Variants in XKR4 observed in about 807,000 individuals in gnomAD.
The protein encoded by XKR4 is XK related 4.
Under a neutral mutation model 53.9 loss-of-function variants are expected in XKR4, and 12 were observed. The ratio of observed to expected loss-of-function variants is 0.22; its 90% CI spans 0.14 to 0.36. The LOEUF (loss-of-function observed/expected upper bound fraction) is 0.36. XKR4 is among the 10% of genes least tolerant of loss of function. The pLI, the probability that XKR4 is intolerant of heterozygous loss-of-function variation, is 1.00. For synonymous variants in XKR4, 354 were observed against 362.4 expected (o/e 0.98, Z 0.26); for missense variants, 799 against 859.5 (o/e 0.93, Z 0.88).
chr8:55,461,168 C>T (rs1216650894), intron 2 of XKR4, among the ~76,000 whole-genome samples: 1 of 152,232 alleles, frequency 6.6e-6, no homozygotes, highest in Non-Finnish European at 1.5e-5. Flanking sequence ...GAACGGGCAG[C>T]CTGCCTCCTC....
chr8:55,498,787 A>G (rs987232729), intron 2 of XKR4, among the ~76,000 whole-genome samples: 2 of 152,020 alleles, frequency 1.3e-5, no homozygotes, highest in African/African-American at 2.4e-5. Flanking sequence ...AGAGACAGAG[A>G]GAGACAGAGA....
chr8:55,493,581 G>A (rs988637785), intron 2 of XKR4, among the ~76,000 whole-genome samples: 1 of 152,216 alleles, frequency 6.6e-6, no homozygotes, highest in Non-Finnish European at 1.5e-5. Context: ...GAGCAAGTAT[G>A]GGTCTGTAGC....
chr8:55,305,560 A>C (rs543960118), intron 1 of XKR4, among the ~76,000 whole-genome samples: 1 of 152,334 alleles, frequency 6.6e-6, no homozygotes, highest in South Asian at 2.1e-4. Context: ...GTCACTTAGC[A>C]TGTCTGATTT....
At chr8:55,521,884 A>G (rs535761414) in intron 2 of XKR4, among the ~76,000 whole-genome samples, 100 of 152,364 alleles carry the variant, frequency 6.6e-4, no homozygotes, top group Admixed American at 1.2e-3. Flanking sequence ...GGCAATCAAC[A>G]TATCTTCTAT....
intron 1 of XKR4, among the ~76,000 whole-genome samples, chr8:55,323,902 T>A (rs1351713910): frequency 6.6e-6 from 1 of 152,104 alleles, no homozygotes; most frequent in African/African-American, 2.4e-5. Flanking sequence ...TTTTTTAAAT[T>A]TGAGATATTG....
intron 2 of XKR4, among the ~76,000 whole-genome samples, chr8:55,361,586 C>T (rs1029349643): frequency 2.0e-5 from 3 of 152,048 alleles, no homozygotes; most frequent in African/African-American, 7.2e-5. Context: ...TTCATCCTCA[C>T]CCGTGCCCTC....
At chr8:55,461,174 T>G (rs1805650645) in intron 2 of XKR4, among the ~76,000 whole-genome samples, 1 of 152,222 alleles carries the variant, frequency 6.6e-6, no homozygotes, top group East Asian at 1.9e-4. Context: ...GCAGCCTGCC[T>G]CCTCAAGTGG....
rs116231614 is a variant in XKR4 at position 55,403,631 on chromosome 8, C to T, written c.1006+45754C>T. The stretch of plus-strand genomic sequence containing the variant: ...AATCACTCAAGTCTGTATTGAGCAT[C>T]CACTGTAAGCAAGGCTGGGGAAAGC... On this transcript the variant is annotated intron_variant, in intron 2 of 2. Transcript: ENST00000327381. 4.4e-3 allele frequency among the ~76,000 whole-genome samples: 673 copies of T among 152,342 alleles called. 4 individuals carry two copies. The highest frequency in any genetic ancestry group is 0.016 in the African/African-American group (645 of 41,568).
intron 1 of XKR4, among the ~76,000 whole-genome samples, chr8:55,208,422 T>G (rs1817679353): frequency 6.6e-6 from 1 of 152,170 alleles, no homozygotes; most frequent in Non-Finnish European, 1.5e-5. Flanking sequence ...TTATTTTAGA[T>G]CCAGTGATTA....
intron 2 of XKR4, among the ~76,000 whole-genome samples, chr8:55,478,994 A>G (rs1806053903): frequency 6.6e-6 from 1 of 151,928 alleles, no homozygotes; most frequent in Admixed American, 6.6e-5. Context: ...AGATCAACTA[A>G]ACAGAAAGTT....
intron 1 of XKR4, among the ~76,000 whole-genome samples, chr8:55,152,187 G>T (rs1298115507): frequency 6.6e-6 from 1 of 152,102 alleles, no homozygotes; most frequent in Non-Finnish European, 1.5e-5. Context: ...AGCAAAATAA[G>T]GTGCTTCTAA....
At chr8:55,169,074 C>G (rs1817113051) in intron 1 of XKR4, among the ~76,000 whole-genome samples, 1 of 152,180 alleles carries the variant, frequency 6.6e-6, no homozygotes, top group South Asian at 2.1e-4. Flanking sequence ...AGACATGTTG[C>G]ATACTAAATT....
At chr8:55,339,662 G>A (rs779306965) in intron 1 of XKR4, among the ~76,000 whole-genome samples, 6 of 152,184 alleles carry the variant, frequency 3.9e-5, no homozygotes, top group Non-Finnish European at 8.8e-5. Flanking sequence ...ACAGGAGGAC[G>A]TAGGCAGTCC....
intron 1 of XKR4, among the ~76,000 whole-genome samples, chr8:55,116,140 C>A (rs1816303009): frequency 6.6e-6 from 1 of 152,090 alleles, no homozygotes; most frequent in Non-Finnish European, 1.5e-5. Flanking sequence ...TGAGGGTGGA[C>A]AAAGTTTGTG....
chr8:55,519,227 CT>C (rs751050598), intron 2 of XKR4, among the ~76,000 whole-genome samples: 1 of 152,162 alleles, frequency 6.6e-6, no homozygotes, highest in African/African-American at 2.4e-5. Context: ...TATATAATCC[CT>C]TTTAGTCCCC....
chr8:55,127,876 C>T (rs963926874), intron 1 of XKR4, among the ~76,000 whole-genome samples: 1 of 151,974 alleles, frequency 6.6e-6, no homozygotes, highest in African/African-American at 2.4e-5. Context: ...TGATGGTTTC[C>T]AGTTACAACC....
chr8:55,338,223 C>T (rs548642102), intron 1 of XKR4, among the ~76,000 whole-genome samples: 1 of 152,282 alleles, frequency 6.6e-6, no homozygotes, highest in South Asian at 2.1e-4. Context: ...TTTATTTGGG[C>T]AACTGTTGTT....
chr8:55,106,338 TATTC>T (rs1320833369), intron 1 of XKR4, among the ~76,000 whole-genome samples: 3 of 152,186 alleles, frequency 2.0e-5, no homozygotes, highest in African/African-American at 4.8e-5. Context: ...CAATGATACA[TATTC>T]ATTTTAATTA....
At chr8:55,145,524 G>T (rs543918234) in intron 1 of XKR4, among the ~76,000 whole-genome samples, 1 of 152,218 alleles carries the variant, frequency 6.6e-6, no homozygotes, top group Non-Finnish European at 1.5e-5. Context: ...ATAATTTGGG[G>T]CACTGGAGAG....
Sources: allele counts gnomAD v4.1 joint callset (sites outside exome capture counted in the v4.1 genomes callset), GRCh38; gene constraint gnomAD v4.1.1; transcripts MANE v1.5; gene names NCBI Gene and HGNC (gene_info 2026-07-23, HGNC 2026-07-21).